Variants in AMPH observed in about 807,000 individuals in gnomAD.
AMPH encodes amphiphysin.
Under a neutral mutation model 99.1 loss-of-function variants are expected in AMPH, and 49 were observed. The observed-to-expected ratio is 0.49, with a 90% CI of 0.39 to 0.63. The LOEUF (loss-of-function observed/expected upper bound fraction) is 0.63. AMPH is among the 20% of genes least tolerant of loss of function. The pLI is 0.00. For missense variants in AMPH, 759 were observed against 863.4 expected (o/e 0.88, Z 1.52); for synonymous variants, 314 against 317.3 (o/e 0.99, Z 0.11).
At chr7:38,480,673 A>G (rs976014203) in intron 5 of AMPH, among the ~76,000 whole-genome samples, 3 of 152,184 alleles carry the variant, frequency 2.0e-5, no homozygotes, top group Non-Finnish European at 4.4e-5. Flanking sequence ...AAAGTATGCA[A>G]TGAGTTAGCC....
intron 2 of AMPH, among the ~76,000 whole-genome samples, chr7:38,533,582 T>C (rs575445289): frequency 1.3e-5 from 2 of 152,228 alleles, no homozygotes; most frequent in East Asian, 1.9e-4. Flanking sequence ...GGAACCCTGA[T>C]ACACAAATGG....
intron 17 of AMPH, among the ~76,000 whole-genome samples, chr7:38,402,233 A>G (rs142727776): frequency 1.8e-3 from 270 of 152,214 alleles, no homozygotes; most frequent in African/African-American, 6.0e-3. Context: ...TGTTTCACCT[A>G]TCGAGGTCAT....
chr7:38,552,417 G>A (rs1465831623), intron 1 of AMPH, among the ~76,000 whole-genome samples: 1 of 152,198 alleles, frequency 6.6e-6, no homozygotes, highest in East Asian at 1.9e-4. Flanking sequence ...TATTCCATAG[G>A]AGTAATTATT....
Position 38,544,961 on chromosome 7 carries a change from T to C in AMPH, c.70-9950A>G, listed in dbSNP as rs893911256. On this transcript the variant is annotated intron_variant, in intron 1 of 20. Coordinates refer to ENST00000356264, the MANE Select transcript of AMPH (RefSeq NM_001635.4). Reference sequence around the variant, plus strand: ...TTGGCCAAGCTCACATCTTCGACTTTCTATGATACAGATGGATCTTTTAGA... The same window carrying C: ...TTGGCCAAGCTCACATCTTCGACTTCCTATGATACAGATGGATCTTTTAGA... 3.9e-5 allele frequency among the ~76,000 whole-genome samples: 6 copies of C among 152,352 alleles called. 1 individual carries two copies. The highest frequency in any genetic ancestry group is 2.0e-4 in the Admixed American group (3 of 15,304).
chr7:38,490,988 C>A, intron 5 of AMPH, 62 bp downstream of exon 5: 25 of 1,041,200 alleles, frequency 2.4e-5, no homozygotes, highest in Non-Finnish European at 3.6e-5. Context: ...TTCTCTTGCC[C>A]ATGTTTCAAT....
intron 1 of AMPH, among the ~76,000 whole-genome samples, chr7:38,560,299 A>C (rs138577522): frequency 1.3e-3 from 205 of 152,292 alleles, no homozygotes; most frequent in African/African-American, 4.3e-3. Flanking sequence ...GATGCAGTAC[A>C]CACAGCCATC....
intron 2 of AMPH, 73 bp from the exon 3 acceptor site, chr7:38,503,777 C>T (rs1789232682): frequency 9.7e-6 from 14 of 1,437,674 alleles, no homozygotes; most frequent in Non-Finnish European, 1.4e-5. Flanking sequence ...AGTGCTAAGT[C>T]TCAAAGTTAC....
At chr7:38,587,791 C>T (rs186289784) in intron 1 of AMPH, among the ~76,000 whole-genome samples, 16 of 152,170 alleles carry the variant, frequency 1.1e-4, no homozygotes, top group South Asian at 1.0e-3. Context: ...GTGCTGCCAA[C>T]GGTGCTCATT....
chr7:38,501,648 T>G (rs1390807943), intron 3 of AMPH, among the ~76,000 whole-genome samples: 1 of 152,152 alleles, frequency 6.6e-6, no homozygotes, highest in Non-Finnish European at 1.5e-5. Context: ...CATTTTTAAA[T>G]TATTGATATT....
chr7:38,472,210 T>G (rs1316220697), intron 7 of AMPH, among the ~76,000 whole-genome samples: 1 of 152,172 alleles, frequency 6.6e-6, no homozygotes, highest in African/African-American at 2.4e-5. Flanking sequence ...TCATACCCAG[T>G]ATTATGCATT....
At chr7:38,429,684 A>G in intron 14 of AMPH, 158 bp downstream of exon 14, 2 of 1,280,622 alleles carry the variant, frequency 1.6e-6, no homozygotes, top group Non-Finnish European at 2.1e-6. Context: ...GAGTAGCACC[A>G]GTAAAACCAA....
At chr7:38,522,852 G>A (rs1790021621) in intron 2 of AMPH, among the ~76,000 whole-genome samples, 2 of 152,174 alleles carry the variant, frequency 1.3e-5, no homozygotes, top group Admixed American at 6.5e-5. Context: ...GCTCACGCCT[G>A]TAATCCAGCA....
At chr7:38,627,119 C>T (rs1220642160) in intron 1 of AMPH, among the ~76,000 whole-genome samples, 1 of 152,064 alleles carries the variant, frequency 6.6e-6, no homozygotes, top group East Asian at 1.9e-4. Flanking sequence ...CGCACTGGCT[C>T]ATGACTCAGG....
chr7:38,555,969 G>A (rs1223459985), intron 1 of AMPH, among the ~76,000 whole-genome samples: 1 of 152,112 alleles, frequency 6.6e-6, no homozygotes, highest in Non-Finnish European at 1.5e-5. Flanking sequence ...TAGAGCTTGT[G>A]GGGAAGGAGG....
intron 1 of AMPH, among the ~76,000 whole-genome samples, chr7:38,549,068 T>C (rs976125773): frequency 2.0e-5 from 3 of 152,220 alleles, no homozygotes; most frequent in Admixed American, 6.5e-5. Context: ...TTCAGGCTGA[T>C]TGTTTTTAGA....
In AMPH at chr7:38,625,652, G is replaced by C. The variant is rs114512130; in HGVS notation, c.69+5631C>G. ...AGCAACCCAAATAAAATACTGGCAA[G>C]AGACTTTAATGAAACTTCACAAAAG... is the stretch of plus-strand genomic sequence containing the variant. On this transcript the variant is annotated intron_variant, in intron 1 of 20. Coordinates refer to ENST00000356264, the MANE Select transcript of AMPH (RefSeq NM_001635.4). 2.8e-3 allele frequency among the ~76,000 whole-genome samples: 431 copies of C among 152,278 alleles called. 2 individuals carry two copies. The highest frequency in any genetic ancestry group is 9.8e-3 in the African/African-American group (407 of 41,550).
chr7:38,624,948 G>GA (rs922416784), intron 1 of AMPH, among the ~76,000 whole-genome samples: 17 of 147,880 alleles, frequency 1.1e-4, no homozygotes, highest in South Asian at 4.3e-4. Context: ...GAAACTATAA[G>GA]AAAAAAAAAA....
chr7:38,401,367 C>G (rs1417875059), intron 17 of AMPH, among the ~76,000 whole-genome samples: 3 of 152,148 alleles, frequency 2.0e-5, no homozygotes. Flanking sequence ...TGCCCACCAC[C>G]TAGGATCCTC....
At chr7:38,421,484 T>A (rs1235948304) in intron 16 of AMPH, among the ~76,000 whole-genome samples, 1 of 152,258 alleles carries the variant, frequency 6.6e-6, no homozygotes, top group Non-Finnish European at 1.5e-5. Context: ...GCCTTTCAGC[T>A]GGTTGCCCAA....
Sources: gnomAD v4.1 joint callset for allele counts (sites outside exome capture counted in the v4.1 genomes callset) on GRCh38, gnomAD v4.1.1 for gene constraint, MANE v1.5 for transcripts, NCBI Gene and HGNC (gene_info 2026-07-23, HGNC 2026-07-21) for gene names.